The following PRELID3A variants were observed in gnomAD, a reference collection of about 807,000 sequenced individuals.
PRELID3A encodes PRELI domain containing protein 3A.
In PRELID3A, 27 loss-of-function variants were observed where a neutral mutation model predicts 23.0. That is an observed-to-expected ratio of 1.17 (90% confidence interval 0.87 to 1.62). PRELID3A has a LOEUF of 1.62. Among genes scored for constraint, PRELID3A ranks in the 40% most tolerant of loss-of-function variants. The pLI, the probability that PRELID3A is intolerant of heterozygous loss-of-function variation, is 0.00. For synonymous variants in PRELID3A, 87 were observed against 86.4 expected (o/e 1.01, Z -0.04); for missense variants, 231 against 231.4 (o/e 1.00, Z 0.01).
At chr18:12,412,615 A>G (rs749497438) in intron 1 of PRELID3A, among the ~76,000 whole-genome samples, 2 of 152,216 alleles carry the variant, frequency 1.3e-5, no homozygotes, top group African/African-American at 2.4e-5. Flanking sequence ...ATTGAAGGGC[A>G]TTAAGTTTTC....
At chr18:12,427,400 C>A in intron 5 of PRELID3A, 77 bp downstream of exon 5, 1 of 1,137,580 alleles carries the variant, frequency 8.8e-7, no homozygotes, top group Non-Finnish European at 1.3e-6. Flanking sequence ...CATTTTTAGT[C>A]TCATCAGTCT....
Position 12,420,476 on chromosome 18 carries a change from C to T in PRELID3A, c.184C>T (p.Pro62Ser), listed in dbSNP as rs773053467. The T allele has an allele frequency of 1.0e-5, 16 of 1,548,024 alleles. No individual in the cohort carries two copies. The highest frequency in any genetic ancestry group is 1.7e-4 in the Middle Eastern group (1 of 5,974). ...CCTGCTCAGCACCGAGTGGGGGCTG[C>T]CCAGCCTCGTGAGAGCGGTGAGCGG... ...LRLLSTEWGLPSLVRAILGTS... is the reference protein window; with the variant it reads ...LRLLSTEWGLSSLVRAILGTS... The change falls in exon 2 of 7, where the codon CCC (proline) becomes TCC (serine). Residue 62 changes from proline to serine, a missense_variant. Physicochemically the swap from Pro to Ser is moderately conservative, Grantham distance 74. Transcript: ENST00000440960.
intron 3 of PRELID3A, among the ~76,000 whole-genome samples, chr18:12,424,328 C>G (rs533121944): frequency 8.5e-5 from 13 of 152,308 alleles, no homozygotes; most frequent in African/African-American, 3.1e-4. Context: ...TGCTTGCATC[C>G]TGAAGCCATC....
chr18:12,408,082 C>A (rs933598433), intron 1 of PRELID3A, 75 bp downstream of exon 1: 10 of 1,187,572 alleles, frequency 8.4e-6, no homozygotes, highest in South Asian at 4.0e-5. Flanking sequence ...TGGAGCGGTC[C>A]AGGAAAGGCC....
intron 1 of PRELID3A, among the ~76,000 whole-genome samples, chr18:12,409,829 TA>T (rs1029918404): frequency 2.0e-5 from 3 of 152,052 alleles, no homozygotes; most frequent in Non-Finnish European, 4.4e-5. Flanking sequence ...AACTCCCATT[TA>T]TTTTTTTTAA....
chr18:12,421,694 G>T, intron 3 of PRELID3A, 65 bp downstream of exon 3: 3 of 1,064,754 alleles, frequency 2.8e-6, no homozygotes, highest in Non-Finnish European at 2.9e-6. Context: ...TAAGGCCTTC[G>T]TTTAATTCTA....
intron 3 of PRELID3A, chr18:12,422,286 C>T (rs1490284196): frequency 1.3e-5 from 2 of 150,180 alleles, no homozygotes; most frequent in East Asian, 3.9e-4. Context: ...GCAACCTCCA[C>T]TTCATGGGTT....
intron 6 of PRELID3A, among the ~76,000 whole-genome samples, chr18:12,430,561 G>A (rs979382788): frequency 6.7e-6 from 1 of 148,474 alleles, no homozygotes; most frequent in Non-Finnish European, 1.5e-5. Context: ...GGTATGTGGA[G>A]TGTGTGTGTG....
chr18:12,420,514 G>C, intron 2 of PRELID3A, 21 bp downstream of exon 2: 1 of 1,496,224 alleles, frequency 6.7e-7, no homozygotes, highest in Non-Finnish European at 8.9e-7. Flanking sequence ...CGGGGGCTGC[G>C]GCTCCGAACG....
chr18:12,414,938 T>C (rs1181396545), intron 1 of PRELID3A, among the ~76,000 whole-genome samples: 1 of 152,114 alleles, frequency 6.6e-6, no homozygotes, highest in Non-Finnish European at 1.5e-5. Context: ...TTTTTTTCTT[T>C]CTTTTTTTTA....
At chr18:12,417,833 G>A (rs2030013897) in intron 1 of PRELID3A, among the ~76,000 whole-genome samples, 1 of 152,190 alleles carries the variant, frequency 6.6e-6, no homozygotes, top group South Asian at 2.1e-4. Flanking sequence ...CCCAGTCTTG[G>A]CTTCTTCATC....
intron 6 of PRELID3A, among the ~76,000 whole-genome samples, chr18:12,430,633 ATATG>A (rs1200319946): frequency 1.4e-5 from 2 of 139,614 alleles, no homozygotes; most frequent in African/African-American, 5.5e-5. Context: ...TGTGATGTGT[ATATG>A]TGTGTGGTAT....
In PRELID3A at chr18:12,420,505, G is replaced by T. The variant is rs375924100; in HGVS notation, c.201+12G>T. 1.3e-6 allele frequency: 2 copies of T among 1,512,162 alleles called. No homozygotes were observed. The highest frequency in any genetic ancestry group is 2.1e-5 in the Admixed American group (1 of 46,608). The allele number at this position is 1,512,162 out of a possible 1,614,324, so 93.7% of individuals were successfully genotyped here. ...GCCTCGTGAGAGCGGTGAGCGGGGC[G>T]GGGGCTGCGGCTCCGAACGCGCCCG... On this transcript the variant is annotated intron_variant, in intron 2 of 6. Transcript: ENST00000440960.
intron 1 of PRELID3A, among the ~76,000 whole-genome samples, chr18:12,417,389 G>T (rs1300703956): frequency 1.3e-5 from 2 of 152,028 alleles, no homozygotes; most frequent in Non-Finnish European, 2.9e-5. Flanking sequence ...GGCCAGGCTG[G>T]TGTTGAACTC....
At chr18:12,424,440 G>T (rs8088106) in intron 3 of PRELID3A, among the ~76,000 whole-genome samples, 12,509 of 152,218 alleles carry the variant, frequency 0.082, 1,007 homozygotes, top group African/African-American at 0.21. Context: ...TAAGGTTTAT[G>T]AAACACAGTG....
intron 3 of PRELID3A, among the ~76,000 whole-genome samples, chr18:12,424,574 C>T (rs978785083): frequency 1.2e-4 from 19 of 152,196 alleles, no homozygotes; most frequent in African/African-American, 4.6e-4. Flanking sequence ...TAACCTGGCA[C>T]TCTGTAGGAG....
intron 1 of PRELID3A, chr18:12,420,088 G>A (rs1164078474): frequency 2.1e-6 from 3 of 1,402,340 alleles, no homozygotes; most frequent in Non-Finnish European, 2.8e-6. Flanking sequence ...CTGGGCGACA[G>A]AGTGAGACCC....
Position 12,420,214 on chromosome 18 carries a change from A to T in PRELID3A, c.33-111A>T, listed in dbSNP as rs898981021. 3.2e-5 allele frequency: 46 copies of T among 1,453,684 alleles called. No individual in the cohort carries two copies. The African/African-American group carries it at 6.0e-4, about 19-fold the overall frequency. 90.0% of individuals were successfully genotyped at this position (1,453,684 alleles called of 1,614,324 possible). On this transcript the variant is annotated intron_variant, in intron 1 of 6. Coordinates refer to ENST00000440960, the MANE Select transcript of PRELID3A (RefSeq NM_001142405.2). ...AGATTTGTCGGACCAGCCTTTCATT[A>T]AAGTGAAGAGACTAGCGCGTTGCCC...
chr18:12,429,216 C>T (rs888029370), intron 5 of PRELID3A, 134 bp from the exon 6 acceptor site: 10 of 710,680 alleles, frequency 1.4e-5, no homozygotes, highest in East Asian at 1.1e-4. Context: ...GAAGATCACT[C>T]GGAAAGGTCA....
Sources: gnomAD v4.1 joint callset for allele counts (sites outside exome capture counted in the v4.1 genomes callset) on GRCh38, gnomAD v4.1.1 for gene constraint, MANE v1.5 for transcripts, NCBI Gene and HGNC (gene_info 2026-07-23, HGNC 2026-07-21) for gene names.